The following FBN1 variants were observed in gnomAD, a reference collection of about 807,000 sequenced individuals.
The protein encoded by FBN1 is fibrillin-1.
Under a neutral mutation model 365.1 loss-of-function variants are expected in FBN1, and 29 were observed. The ratio of observed to expected loss-of-function variants is 0.08; its 90% CI spans 0.06 to 0.11. The LOEUF (loss-of-function observed/expected upper bound fraction) is 0.11, where lower values mean the gene tolerates loss of function less well. Ranked by LOEUF, FBN1 falls within the 10% of genes least tolerant of loss-of-function variation. The pLI is 1.00. For synonymous variants in FBN1, 1,210 were observed against 1,270.5 expected, an observed-to-expected ratio of 0.95 and a Z score of 1.01; for missense variants, 2,476 against 3,703.2, an observed-to-expected ratio of 0.67 and a Z score of 8.60.
At chr15:48,629,448 G>C (rs1028329233) in intron 2 of FBN1, among the ~76,000 whole-genome samples, 1 of 151,794 alleles carries the variant, frequency 6.6e-6, no homozygotes, top group Non-Finnish European at 1.5e-5. Context: ...TGAATAAACT[G>C]CAAAAAAACA....
intron 2 of FBN1, among the ~76,000 whole-genome samples, chr15:48,634,333 A>G (rs1890049715): frequency 6.6e-6 from 1 of 152,186 alleles, no homozygotes; most frequent in Non-Finnish European, 1.5e-5. Flanking sequence ...CTGGCATCCA[A>G]GTGTCTTTCT....
intron 42 of FBN1, 57 bp from the exon 43 acceptor site, chr15:48,460,374 T>C (rs1332866757): frequency 4.7e-6 from 5 of 1,065,182 alleles, no homozygotes; most frequent in South Asian, 2.5e-5. Flanking sequence ...AGAACAATAA[T>C]TGGACTGAAA....
chr15:48,476,644 CTT>C (rs1257136086), intron 32 of FBN1: 1 of 124,450 alleles, frequency 8.0e-6, no homozygotes, highest in Non-Finnish European at 1.7e-5. Flanking sequence ...GAGTTTTGCT[CTT>C]GTCGCCCAGG....
At chr15:48,505,183 G>T in intron 15 of FBN1, 36 bp from the exon 16 acceptor site, 2 of 1,613,138 alleles carry the variant, frequency 1.2e-6, no homozygotes, top group Non-Finnish European at 1.7e-6. Context: ...AAAATGAAGT[G>T]ACATTTATCT....
Position 48,644,680 on chromosome 15 carries a change from C to A in FBN1, c.90G>T (p.Glu30Asp), listed in dbSNP as rs778831047. 6.2e-7 allele frequency: 1 copy of A among 1,614,204 alleles called. No homozygotes were observed. Among genetic ancestry groups the A allele is most frequent in the Non-Finnish European group, 8.5e-7 (1 of 1,180,024 alleles). Residue 30 changes from glutamate to aspartate, a missense_variant, in exon 2 of 66, where the codon GAG becomes GAT. Physicochemically the swap from Glu to Asp is conservative, Grantham distance 45. Coordinates refer to ENST00000316623, the MANE Select transcript of FBN1 (RefSeq NM_000138.5). The part of the protein sequence containing the change: ...YTSHGADANL[E>D]AGNVKETRAS... ...CTCTGGTTTCCTTCACGTTCCCAGCCTCCAAATTGGCGTCCGCCCCATGGC... is the reference window on the plus strand; with the variant it reads ...CTCTGGTTTCCTTCACGTTCCCAGCATCCAAATTGGCGTCCGCCCCATGGC...
At chr15:48,436,531 G>T (rs1173595500) in intron 53 of FBN1, among the ~76,000 whole-genome samples, 1 of 152,142 alleles carries the variant, frequency 6.6e-6, no homozygotes, top group African/African-American at 2.4e-5. Context: ...ACAAAAAAAA[G>T]ATTGTGTACT....
chr15:48,605,710 C>A (rs1217007667), intron 4 of FBN1, among the ~76,000 whole-genome samples: 10 of 151,790 alleles, frequency 6.6e-5, no homozygotes. Context: ...CTGTCTCTAC[C>A]AAAAATACAA....
At chr15:48,596,508 T>C in intron 5 of FBN1, 130 bp from the exon 6 acceptor site, 1 of 821,212 alleles carries the variant, frequency 1.2e-6, no homozygotes, top group Non-Finnish European at 2.0e-6. Context: ...GGACGGTCAC[T>C]CTACAGTTAC....
chr15:48,480,872 T>C (rs1014537786), intron 32 of FBN1, among the ~76,000 whole-genome samples: 13 of 152,198 alleles, frequency 8.5e-5, no homozygotes, highest in Non-Finnish European at 1.8e-4. Context: ...TTATATGCCA[T>C]AATCTGTCAA....
chr15:48,524,961 C>T (rs2043895979), intron 9 of FBN1, among the ~76,000 whole-genome samples: 1 of 152,200 alleles, frequency 6.6e-6, no homozygotes, highest in African/African-American at 2.4e-5. Flanking sequence ...TCTTAATCCT[C>T]ATGTAGTTTG....
At chr15:48,470,445 T>C (rs1299811787) in intron 36 of FBN1, among the ~76,000 whole-genome samples, 189 bp downstream of exon 36, 1 of 152,212 alleles carries the variant, frequency 6.6e-6, no homozygotes, top group Non-Finnish European at 1.5e-5. Context: ...TCAATTGTCT[T>C]AGACTCTTTC....
intron 6 of FBN1, among the ~76,000 whole-genome samples, chr15:48,595,499 GA>G (rs1160105475): frequency 6.6e-6 from 1 of 152,176 alleles, no homozygotes; most frequent in Non-Finnish European, 1.5e-5. Context: ...AAAGTTCAGG[GA>G]AAAAAACTTA....
intron 8 of FBN1, among the ~76,000 whole-genome samples, chr15:48,532,522 G>GTGTGTGTGTGTGTGTATA (rs1474842861): frequency 2.0e-5 from 3 of 151,738 alleles, no homozygotes; most frequent in African/African-American, 7.3e-5. Flanking sequence ...GTGTGTGTGT[G>GTGTGTGTGTGTGTGTATA]TATATGGCCC....
intron 17 of FBN1, among the ~76,000 whole-genome samples, chr15:48,499,317 T>C (rs2043635721): frequency 6.6e-6 from 1 of 152,242 alleles, no homozygotes; most frequent in Non-Finnish European, 1.5e-5. Context: ...AACTTGATTT[T>C]GTTCACCAGG....
chr15:48,481,821 T>C, intron 31 of FBN1, 41 bp from the exon 32 acceptor site: 3 of 1,567,458 alleles, frequency 1.9e-6, no homozygotes, highest in Non-Finnish European at 2.6e-6. Flanking sequence ...AGCTATTTGA[T>C]ATCATTGAGT....
chr15:48,467,845 T>C, intron 38 of FBN1, 93 bp downstream of exon 38: 2 of 1,169,464 alleles, frequency 1.7e-6, no homozygotes, highest in South Asian at 1.2e-5. Context: ...ATCTTTCTTC[T>C]CTGATCTAAG....
rs112480373 is a variant in FBN1 at position 48,485,641 on chromosome 15, C to A, written c.3590-145G>T. The A allele has an allele frequency of 4.3e-5, 37 of 866,466 alleles. 1 individual carries two copies. The highest frequency in any genetic ancestry group is 2.3e-4 in the African/African-American group (14 of 60,188). The allele number at this position is 866,466 out of a possible 1,614,324, so 53.7% of individuals were successfully genotyped here. A position where few individuals can be genotyped will look rare whatever the true frequency, so the allele number is the denominator to read the frequency against. ...AGGTAATCATCCTATGAGGGCTCTACCCTCATGGTGGGATCGGTGCTGTTA... is the reference window on the plus strand; with the variant it reads ...AGGTAATCATCCTATGAGGGCTCTAACCTCATGGTGGGATCGGTGCTGTTA... On this transcript the variant is annotated intron_variant, in intron 29 of 65. Coordinates refer to ENST00000316623, the MANE Select transcript of FBN1 (RefSeq NM_000138.5).
intron 4 of FBN1, among the ~76,000 whole-genome samples, chr15:48,604,471 C>T (rs1178662184): frequency 1.3e-5 from 2 of 152,116 alleles, no homozygotes; most frequent in African/African-American, 2.4e-5. Context: ...ATGGCATTTC[C>T]CTTAAGTGAA....
At chr15:48,523,681 T>G (rs1388420652) in intron 9 of FBN1, among the ~76,000 whole-genome samples, 1 of 145,866 alleles carries the variant, frequency 6.9e-6, no homozygotes. Context: ...TTTCACTTCG[T>G]TAGGCAGCAG....
Sources: gnomAD v4.1 joint callset for allele counts (sites outside exome capture counted in the v4.1 genomes callset) on GRCh38, gnomAD v4.1.1 for gene constraint, MANE v1.5 for transcripts, NCBI Gene and HGNC (gene_info 2026-07-23, HGNC 2026-07-21) for gene names.